AGK: variants seen among roughly 807,000 people sequenced by gnomAD.
The protein encoded by AGK is acylglycerol kinase, also known as acylglycerol kinase, mitochondrial.
In AGK, 52 loss-of-function variants were observed where a neutral mutation model predicts 66.4. The observed-to-expected ratio is 0.78, with a 90% confidence interval of 0.63 to 0.99. The LOEUF (loss-of-function observed/expected upper bound fraction) is 0.99, where lower values mean the gene tolerates loss of function less well. Among genes scored for constraint, AGK ranks in the 50% least tolerant of loss-of-function variants. AGK has a pLI of 0.00. For missense variants in AGK, 451 were observed against 506.6 expected, an observed-to-expected ratio of 0.89 and a Z score of 1.05; for synonymous variants, 182 against 181.1, an observed-to-expected ratio of 1.00 and a Z score of -0.04.
At chr7:141,632,299 G>T (rs1347473308) in intron 9 of AGK, among the ~76,000 whole-genome samples, 1 of 151,546 alleles carries the variant, frequency 6.6e-6, no homozygotes, top group Non-Finnish European at 1.5e-5. Flanking sequence ...TCTTTGGGCT[G>T]TTTTTTCATC....
chr7:141,637,136 T>A, intron 11 of AGK, 119 bp downstream of exon 11: 1 of 726,502 alleles, frequency 1.4e-6, no homozygotes, highest in Non-Finnish European at 2.3e-6. Context: ...GCTTCAACAC[T>A]AAAACAGGGC....
At chr7:141,600,208 C>A (rs1178450998) in intron 4 of AGK, among the ~76,000 whole-genome samples, 1 of 152,080 alleles carries the variant, frequency 6.6e-6, no homozygotes, top group Non-Finnish European at 1.5e-5. Flanking sequence ...ATTGAAAGTA[C>A]TGGATTTTTT....
intron 5 of AGK, among the ~76,000 whole-genome samples, chr7:141,609,214 T>TC (rs957008487): frequency 1.1e-4 from 17 of 152,246 alleles, no homozygotes; most frequent in African/African-American, 3.6e-4. Context: ...ACAATTCAAT[T>TC]CAATTTGATG....
intron 2 of AGK, among the ~76,000 whole-genome samples, chr7:141,566,451 C>T (rs1795472767): frequency 6.6e-6 from 1 of 152,168 alleles, no homozygotes; most frequent in South Asian, 2.1e-4. Context: ...CAAATATCAA[C>T]CTTATTGTCT....
At chr7:141,586,566 A>G (rs1427889511) in intron 2 of AGK, among the ~76,000 whole-genome samples, 1 of 152,224 alleles carries the variant, frequency 6.6e-6, no homozygotes, top group Non-Finnish European at 1.5e-5. Context: ...CAAGAAGTCT[A>G]TAATCTAGGA....
chr7:141,592,427 ACT>A (rs1470496380), intron 2 of AGK, among the ~76,000 whole-genome samples: 2 of 151,536 alleles, frequency 1.3e-5, no homozygotes, highest in African/African-American at 4.9e-5. Context: ...CAACCACGAA[ACT>A]CTCTGTTTTG....
intron 9 of AGK, among the ~76,000 whole-genome samples, chr7:141,623,145 C>T (rs1165678964): frequency 6.6e-6 from 1 of 151,756 alleles, no homozygotes; most frequent in Non-Finnish European, 1.5e-5. Context: ...TTTGGGAGGC[C>T]GAGGTGGGTG....
intron 9 of AGK, among the ~76,000 whole-genome samples, chr7:141,633,557 C>T (rs943761970): frequency 6.6e-6 from 1 of 152,128 alleles, no homozygotes; most frequent in Non-Finnish European, 1.5e-5. Flanking sequence ...TTGCCTTGGA[C>T]AAGTACATGA....
rs758662131 is a variant in AGK, at chr7:141,652,805, A to G, written c.1150A>G (p.Ser384Gly). The G allele has an allele frequency of 6.2e-7, 1 of 1,613,512 alleles. No individual in the cohort carries two copies. The highest frequency in any genetic ancestry group is 1.7e-5 in the Admixed American group (1 of 60,010). ...LIPEGAGGSF[S>G]IDSEEYEAMP... ...TCCCCAGGGAGCAGGGGGCTCTTTTAGCATTGACAGTGAGGAGTATGAAGC... is the reference window on the plus strand; with the variant it reads ...TCCCCAGGGAGCAGGGGGCTCTTTTGGCATTGACAGTGAGGAGTATGAAGC... Residue 384 changes from serine to glycine, a missense_variant, in exon 16 of 16, where the codon AGC becomes GGC. Transcript: ENST00000649286.
intron 9 of AGK, among the ~76,000 whole-genome samples, chr7:141,629,326 G>A (rs1267766139): frequency 1.3e-5 from 2 of 152,088 alleles, no homozygotes; most frequent in Non-Finnish European, 2.9e-5. Context: ...TTCTAGGGGA[G>A]GCTGTGAATT....
At chr7:141,596,167 A>G (rs1426931329) in intron 3 of AGK, among the ~76,000 whole-genome samples, 2 of 152,218 alleles carry the variant, frequency 1.3e-5, no homozygotes, top group Non-Finnish European at 2.9e-5. Context: ...AAGATTCTTC[A>G]TGAACAAATT....
Position 141,598,392 on chromosome 7 carries a change from G to A in AGK, c.221+1751G>A, listed in dbSNP as rs966836425. Among the ~76,000 whole-genome samples, 6 of 152,170 alleles carry A rather than the reference G, an allele frequency of 3.9e-5. No individual in the cohort carries two copies. The highest frequency in any genetic ancestry group is 3.9e-4 in the Admixed American group (6 of 15,274). ...AAATTGTCAGTGGTGGCCCGTGGCT[G>A]AAGATAACAGAGAACTCAGCCTGGG... is the stretch of plus-strand genomic sequence containing the variant. On this transcript the variant is annotated intron_variant, in intron 4 of 15. Coordinates refer to ENST00000649286, the MANE Select transcript of AGK (RefSeq NM_018238.4). The surrounding 1 kb of genome is among the most constrained non-coding windows in gnomAD (Gnocchi z 4.2).
chr7:141,584,723 ATAG>A (rs1248242190), intron 2 of AGK, among the ~76,000 whole-genome samples: 2 of 152,166 alleles, frequency 1.3e-5, no homozygotes, highest in Non-Finnish European at 2.9e-5. Flanking sequence ...TTTGCATTTG[ATAG>A]TAGAATTTTT....
intron 2 of AGK, among the ~76,000 whole-genome samples, chr7:141,569,203 T>C (rs1795538325): frequency 1.3e-5 from 2 of 152,278 alleles, no homozygotes; most frequent in African/African-American, 4.8e-5. Flanking sequence ...CTGAGGGGTG[T>C]GTTCAGTGTC....
intron 4 of AGK, among the ~76,000 whole-genome samples, chr7:141,597,651 A>G (rs555541924): frequency 3.9e-5 from 6 of 152,164 alleles, no homozygotes; most frequent in Admixed American, 3.3e-4. Context: ...TGGGCAGATC[A>G]CTTGAGCCCA....
At chr7:141,590,639 G>T (rs1464260887) in intron 2 of AGK, among the ~76,000 whole-genome samples, 2 of 152,108 alleles carry the variant, frequency 1.3e-5, no homozygotes, top group African/African-American at 4.8e-5. Context: ...TGTATATAAG[G>T]TCATAAATGC....
Position 141,574,041 on chromosome 7 carries a change from G to C in AGK, c.101+18474G>C, listed in dbSNP as rs536290588. ...TAATTGTATATGCAAATACATAATG[G>C]CTGATGGCACAAAAAGAACTAGTAA... On this transcript the variant is annotated intron_variant, in intron 2 of 15. Coordinates refer to ENST00000649286, the MANE Select transcript of AGK (RefSeq NM_018238.4). Among the ~76,000 whole-genome samples, 5 of 152,098 alleles carry C rather than the reference G, an allele frequency of 3.3e-5. No individual in the cohort carries two copies. The East Asian group carries it at 9.6e-4, about 29-fold the overall frequency.
At chr7:141,580,455 A>C (rs1162797123) in intron 2 of AGK, among the ~76,000 whole-genome samples, 2 of 151,988 alleles carry the variant, frequency 1.3e-5, no homozygotes, top group Non-Finnish European at 2.9e-5. Flanking sequence ...AGATACAGTC[A>C]TGGGGGTCAG....
chr7:141,639,253 A>G (rs1265100846), intron 11 of AGK, among the ~76,000 whole-genome samples: 1 of 152,220 alleles, frequency 6.6e-6, no homozygotes, highest in African/African-American at 2.4e-5. Flanking sequence ...AGTGATGTAA[A>G]GAAGTGGAGA....
Sources: allele counts gnomAD v4.1 joint callset (sites outside exome capture counted in the v4.1 genomes callset), GRCh38; gene constraint gnomAD v4.1.1; non-coding constraint Gnocchi (gnomAD v3.1); transcripts MANE v1.5; gene names NCBI Gene and HGNC (gene_info 2026-07-23, HGNC 2026-07-21).